CLSTN2: variants seen among roughly 807,000 people sequenced by gnomAD.
The protein encoded by CLSTN2 is calsyntenin 2.
CLSTN2 carries 48 observed loss-of-function variants against 101.2 expected under a neutral mutation model. The observed-to-expected ratio is 0.47, with a 90% CI of 0.38 to 0.60. The LOEUF is 0.60. Ranked by LOEUF, CLSTN2 falls within the 20% of genes least tolerant of loss-of-function variation. The pLI, the probability that CLSTN2 is intolerant of heterozygous loss-of-function variation, is 0.00. For missense variants in CLSTN2, 1,160 were observed against 1,238.2 expected, an observed-to-expected ratio of 0.94 and a Z score of 0.95; for synonymous variants, 481 against 463.6, an observed-to-expected ratio of 1.04 and a Z score of -0.48.
chr3:140,232,609 C>G (rs1456022585), intron 2 of CLSTN2, among the ~76,000 whole-genome samples: 1 of 152,156 alleles, frequency 6.6e-6, no homozygotes, highest in East Asian at 1.9e-4. Context: ...CATGTGCCTA[C>G]CCACTCAGCA....
chr3:140,237,780 T>C (rs1327014980), intron 2 of CLSTN2, among the ~76,000 whole-genome samples: 4 of 152,200 alleles, frequency 2.6e-5, no homozygotes, highest in Non-Finnish European at 5.9e-5. Flanking sequence ...AGAAAGCTTC[T>C]ATTATTTCAT....
chr3:140,031,762 A>G (rs1351733450), intron 1 of CLSTN2, among the ~76,000 whole-genome samples: 1 of 152,238 alleles, frequency 6.6e-6, no homozygotes, highest in African/African-American at 2.4e-5. Context: ...CCCAACTGCT[A>G]TAAATAGATG....
intron 1 of CLSTN2, among the ~76,000 whole-genome samples, chr3:140,073,988 C>A (rs764037860): frequency 2.2e-4 from 33 of 152,116 alleles, no homozygotes; most frequent in Non-Finnish European, 4.4e-5. Context: ...GAGCATGATG[C>A]CTTGTACTCC....
intron 1 of CLSTN2, among the ~76,000 whole-genome samples, chr3:140,156,936 C>A (rs1313915783): frequency 1.3e-5 from 2 of 152,078 alleles, no homozygotes; most frequent in Non-Finnish European, 2.9e-5. Context: ...AGGACCTGGA[C>A]AAACACAACC....
chr3:140,340,279 A>G (rs2087479943), intron 2 of CLSTN2, among the ~76,000 whole-genome samples: 1 of 152,250 alleles, frequency 6.6e-6, no homozygotes, highest in South Asian at 2.1e-4. Context: ...CATATACATC[A>G]CCTTCCCCTG....
At position 140,515,943 on chromosome 3, in the gene CLSTN2, C is replaced by T. The variant is rs530759077; in HGVS notation, c.1345-16381C>T. ...TACTGCTGTCAGTAGAATATTAAAG[C>T]CCCCACTATTATTGTATTGCTGTCT... On this transcript the variant is annotated intron_variant, in intron 8 of 16. Coordinates refer to ENST00000458420, the MANE Select transcript of CLSTN2 (RefSeq NM_022131.3). Among the ~76,000 whole-genome samples the T allele has an allele frequency of 2.0e-4, 31 of 152,068 alleles. No individual in the cohort carries two copies. The East Asian group carries it at 5.4e-3, about 27-fold the overall frequency.
rs1192126531 is a variant in CLSTN2, at chr3:140,567,911, CA to C, written c.*1660del. 1 of 152,252 alleles carries C rather than the reference CA, an allele frequency of 6.6e-6. No homozygotes were observed. Among genetic ancestry groups the C allele is most frequent in the East Asian group, 1.9e-4 (1 of 5,204 alleles). 9.4% of individuals were successfully genotyped at this position (152,252 alleles called of 1,614,324 possible). ...AGGGAGGACCCATGGCAGGTCTTTT[CA>C]ACTTTCTGATTCATGAGAACAACCT... On this transcript the variant is annotated 3_prime_UTR_variant, in exon 17 of 17. Coordinates refer to ENST00000458420, the MANE Select transcript of CLSTN2 (RefSeq NM_022131.3).
intron 2 of CLSTN2, among the ~76,000 whole-genome samples, chr3:140,280,450 A>G (rs2086834558): frequency 6.6e-6 from 1 of 152,174 alleles, no homozygotes; most frequent in Non-Finnish European, 1.5e-5. Context: ...AGGTAGAAGG[A>G]GAAAGGGCAG....
At chr3:140,546,111 C>A (rs1935578730) in intron 9 of CLSTN2, among the ~76,000 whole-genome samples, 1 of 152,186 alleles carries the variant, frequency 6.6e-6, no homozygotes, top group Admixed American at 6.5e-5. Context: ...GGGCTCTGCA[C>A]CTGCCAGGTG....
At chr3:140,209,639 C>G (rs961063364) in intron 2 of CLSTN2, among the ~76,000 whole-genome samples, 3 of 152,112 alleles carry the variant, frequency 2.0e-5, no homozygotes, top group Admixed American at 2.0e-4. Context: ...ACTGTCCGTA[C>G]TGCTGCCTGA....
intron 2 of CLSTN2, among the ~76,000 whole-genome samples, chr3:140,198,024 G>T (rs1015478159): frequency 6.6e-6 from 1 of 152,162 alleles, no homozygotes; most frequent in African/African-American, 2.4e-5. Flanking sequence ...GGTCTTGAAA[G>T]TCCTCATGAA....
chr3:140,335,937 C>G (rs898810614), intron 2 of CLSTN2, among the ~76,000 whole-genome samples: 1 of 152,142 alleles, frequency 6.6e-6, no homozygotes. Flanking sequence ...TAGGATCCCT[C>G]CCGTCCCATA....
chr3:140,367,796 T>C (rs2087809249), intron 2 of CLSTN2, among the ~76,000 whole-genome samples: 1 of 152,188 alleles, frequency 6.6e-6, no homozygotes, highest in Non-Finnish European at 1.5e-5. Flanking sequence ...AGCCTCAACT[T>C]CTTCATTTGT....
intron 1 of CLSTN2, among the ~76,000 whole-genome samples, chr3:140,007,254 C>G (rs532446087): frequency 2.4e-4 from 36 of 152,304 alleles, no homozygotes; most frequent in African/African-American, 7.5e-4. Flanking sequence ...CTGCATGTGT[C>G]CAGAAGCAGA....
At chr3:140,164,794 G>T (rs1410644439) in intron 1 of CLSTN2, among the ~76,000 whole-genome samples, 1 of 152,188 alleles carries the variant, frequency 6.6e-6, no homozygotes, top group Admixed American at 6.5e-5. Flanking sequence ...CCAGGCTGGA[G>T]AAATTAGGTA....
At chr3:140,187,744 CCACT>C (rs960913001) in intron 2 of CLSTN2, among the ~76,000 whole-genome samples, 1 of 152,066 alleles carries the variant, frequency 6.6e-6, no homozygotes, top group Non-Finnish European at 1.5e-5. Flanking sequence ...CTGTGTCTGT[CCACT>C]CACTCCTCCT....
At chr3:140,490,145 C>T (rs1363426591) in intron 8 of CLSTN2, among the ~76,000 whole-genome samples, 5 of 121,778 alleles carry the variant, frequency 4.1e-5, no homozygotes, top group African/African-American at 9.2e-5. Context: ...CACACACACA[C>T]ACACACACAC....
intron 1 of CLSTN2, among the ~76,000 whole-genome samples, chr3:139,941,584 C>G (rs1303274188): frequency 6.6e-6 from 1 of 152,158 alleles, no homozygotes; most frequent in African/African-American, 2.4e-5. Flanking sequence ...TCACAGACCC[C>G]CCGAAGCCTT....
intron 1 of CLSTN2, among the ~76,000 whole-genome samples, chr3:139,986,565 A>T (rs1051187564): frequency 5.3e-5 from 8 of 152,154 alleles, no homozygotes; most frequent in African/African-American, 1.9e-4. Context: ...CATGTCTAGT[A>T]GTAGGGTCTC....
Sources: allele counts gnomAD v4.1 joint callset (sites outside exome capture counted in the v4.1 genomes callset), GRCh38; gene constraint gnomAD v4.1.1; transcripts MANE v1.5; gene names NCBI Gene and HGNC (gene_info 2026-07-23, HGNC 2026-07-21).